PLG: variants seen among roughly 807,000 people sequenced by gnomAD.
PLG encodes the protein plasmin.
Under a neutral mutation model 104.4 loss-of-function variants are expected in PLG, and 41 were observed. The observed-to-expected ratio is 0.39, with a 90% confidence interval of 0.31 to 0.51. PLG has a LOEUF of 0.51. PLG is among the 20% of genes least tolerant of loss of function. PLG has a pLI of 0.76. For missense variants in PLG, 891 were observed against 1,003.6 expected, an observed-to-expected ratio of 0.89 and a Z score of 1.52; for synonymous variants, 337 against 357.1, an observed-to-expected ratio of 0.94 and a Z score of 0.63.
rs1778416783 is a variant in PLG, at chr6:160,752,278, G to C, written c.2271+18G>C. On this transcript the variant is annotated intron_variant, in intron 18 of 18. Coordinates refer to ENST00000308192, the MANE Select transcript of PLG (RefSeq NM_000301.5). This position sits in a 1 kb window ranked among gnomAD's most constrained non-coding sequence, Gnocchi z 4.7. ...GTTGCCAGGTAAGCAAAGATCAAGA[G>C]ACCAAAGTTAGTCTTGTGCTCTCTT... The C allele has an allele frequency of 6.2e-7, 1 of 1,611,782 alleles. No homozygotes were observed. Among genetic ancestry groups the C allele is most frequent in the African/African-American group, 1.3e-5 (1 of 74,872 alleles).
intron 10 of PLG, among the ~76,000 whole-genome samples, chr6:160,728,542 T>C (rs1562377591): frequency 6.6e-6 from 1 of 151,974 alleles, no homozygotes; most frequent in African/African-American, 2.4e-5. Flanking sequence ...ATATGTGGTA[T>C]TGGGAAAAAA....
chr6:160,748,547 G>T (rs1231242934), intron 17 of PLG, among the ~76,000 whole-genome samples: 1 of 151,762 alleles, frequency 6.6e-6, no homozygotes, highest in African/African-American at 2.4e-5. Context: ...GGCTATTGGG[G>T]GAGAAACAAT....
intron 10 of PLG, 50 bp downstream of exon 10, chr6:160,722,617 C>A: frequency 6.5e-7 from 1 of 1,545,800 alleles, no homozygotes; most frequent in African/African-American, 1.4e-5. Flanking sequence ...ACTGAAATTT[C>A]TGTTAAAAGA....
intron 1 of PLG, chr6:160,705,902 T>C (rs1296649991): frequency 2.3e-4 from 37 of 158,376 alleles, no homozygotes; most frequent in Non-Finnish European, 1.4e-5. Context: ...TTTAAGGATT[T>C]ATATCCACTA....
intron 6 of PLG, 32 bp downstream of exon 6, chr6:160,714,946 T>C (rs781163386): frequency 6.2e-7 from 1 of 1,605,200 alleles, no homozygotes; most frequent in South Asian, 1.1e-5. Context: ...ATTCCATGTT[T>C]AATTAAGGCT....
At chr6:160,729,038 G>C (rs191108153) in intron 10 of PLG, among the ~76,000 whole-genome samples, 10 of 152,052 alleles carry the variant, frequency 6.6e-5, no homozygotes, top group African/African-American at 2.2e-4. Flanking sequence ...GAGTATAAAC[G>C]TTTCTCCCAC....
chr6:160,738,940 C>A lies in PLG; in HGVS notation c.1878-128C>A. 9.1e-7 allele frequency: 1 copy of A among 1,102,100 alleles called. No individual in the cohort carries two copies. The highest frequency in any genetic ancestry group is 1.4e-6 in the Non-Finnish European group (1 of 721,830). The allele number at this position is 1,102,100 out of a possible 1,614,324, so 68.3% of individuals were successfully genotyped here. On this transcript the variant is annotated intron_variant, in intron 15 of 18. Coordinates refer to ENST00000308192, the MANE Select transcript of PLG (RefSeq NM_000301.5). The surrounding 1 kb of genome is among the most constrained non-coding windows in gnomAD (Gnocchi z 6.8). ...TTCAAGCAAATCATGAATTTTGCTT[C>A]TTGCCACTCAGAAGTCACTAATTCT...
chr6:160,747,894 A>G lies in PLG; in HGVS notation c.2126-4221A>G, dbSNP rs565253959. On this transcript the variant is annotated intron_variant, in intron 17 of 18. Transcript: ENST00000308192. ...TGCTGCAAACCTCTATGAATTACAT[A>G]TTATTGTTCCTAGTTTACAAATGAG... Among the ~76,000 whole-genome samples the G allele has an allele frequency of 5.9e-5, 9 of 152,318 alleles. No individual in the cohort carries two copies. In the East Asian group the frequency reaches 1.7e-3, roughly 29 times the overall value.
In PLG at chr6:160,721,788, T is replaced by C. The variant is rs181156108; in HGVS notation, c.1097-620T>C. Among the ~76,000 whole-genome samples the C allele has an allele frequency of 3.9e-5, 6 of 152,326 alleles. No individual in the cohort carries two copies. The East Asian group carries it at 7.7e-4, about 20-fold the overall frequency. On this transcript the variant is annotated intron_variant, in intron 9 of 18. Coordinates refer to ENST00000308192, the MANE Select transcript of PLG (RefSeq NM_000301.5). ...TCTTGTGCCTCCTTCTGATGGAACT[T>C]GTACCTGTGGTGGGTTTGGAAAGAA...
At chr6:160,706,997 T>C (rs1412698382) in intron 2 of PLG, among the ~76,000 whole-genome samples, 2 of 148,554 alleles carry the variant, frequency 1.3e-5, no homozygotes, top group Admixed American at 1.3e-4. Context: ...GCATAATCAA[T>C]GCATGCTCTA....
At chr6:160,749,376 C>A (rs1778356531) in intron 17 of PLG, among the ~76,000 whole-genome samples, 1 of 151,794 alleles carries the variant, frequency 6.6e-6, no homozygotes, top group Non-Finnish European at 1.5e-5. Context: ...TCACCCTCAA[C>A]ATCACCATCA....
chr6:160,712,615 C>G (rs1405937818), intron 4 of PLG, among the ~76,000 whole-genome samples: 4 of 152,158 alleles, frequency 2.6e-5, no homozygotes, highest in Non-Finnish European at 4.4e-5. Flanking sequence ...AGATAGTTCA[C>G]ATGGACAAAA....
At chr6:160,704,626 T>C (rs188795907) in intron 1 of PLG, among the ~76,000 whole-genome samples, 3 of 152,364 alleles carry the variant, frequency 2.0e-5, no homozygotes, top group Non-Finnish European at 4.4e-5. Flanking sequence ...CATCTATTTC[T>C]TTGTGATCTT....
chr6:160,737,695 A>G lies in PLG; in HGVS notation c.1802+688A>G, dbSNP rs560397726. On this transcript the variant is annotated intron_variant, in intron 14 of 18. Transcript: ENST00000308192. This position sits in a 1 kb window ranked among gnomAD's most constrained non-coding sequence, Gnocchi z 4.7. The stretch of plus-strand genomic sequence containing the variant: ...TTTTGCTTCCTCATCTCACTTCTAC[A>G]CGAGGGTGCCTGTGCTCAATTGCTG... Among the ~76,000 whole-genome samples the G allele has an allele frequency of 2.8e-4, 42 of 152,280 alleles. No homozygotes were observed. The East Asian group carries it at 7.9e-3, about 29-fold the overall frequency.
intron 9 of PLG, among the ~76,000 whole-genome samples, chr6:160,720,297 C>T (rs537093645): frequency 7.9e-5 from 12 of 150,958 alleles, no homozygotes; most frequent in African/African-American, 1.9e-4. Flanking sequence ...TTCAACAGTT[C>T]GACTATGATG....
chr6:160,736,961 G>A lies in PLG; in HGVS notation c.1756G>A (p.Val586Met). Residue 586 changes from valine (V) to methionine (M), a missense_variant, in exon 14 of 19, where the codon GTG becomes ATG. Physicochemically the swap from Val to Met is conservative, Grantham distance 21 (BLOSUM62 1). Transcript: ENST00000308192. The surrounding 1 kb of genome is among the most constrained non-coding windows in gnomAD (Gnocchi z 5.2). ...KCPGRVVGGCVAHPHSWPWQV... is the reference protein window; with the variant it reads ...KCPGRVVGGCMAHPHSWPWQV... ...TCCTGGAAGGGTTGTAGGGGGGTGTGTGGCCCACCCACATTCCTGGCCCTG... is the reference window on the plus strand; with the variant it reads ...TCCTGGAAGGGTTGTAGGGGGGTGTATGGCCCACCCACATTCCTGGCCCTG... The A allele has an allele frequency of 6.2e-7, 1 of 1,613,906 alleles. No homozygotes were observed. Among genetic ancestry groups the A allele is most frequent in the Non-Finnish European group, 8.5e-7 (1 of 1,179,942 alleles).
At chr6:160,728,547 A>G (rs908843538) in intron 10 of PLG, among the ~76,000 whole-genome samples, 11 of 152,004 alleles carry the variant, frequency 7.2e-5, no homozygotes, top group East Asian at 3.9e-4. Flanking sequence ...TGGTATTGGG[A>G]AAAAAAAGTA....
chr6:160,747,625 G>A (rs80048868), intron 17 of PLG, among the ~76,000 whole-genome samples: 2 of 91,094 alleles, frequency 2.2e-5, no homozygotes, highest in Admixed American at 1.2e-4. Flanking sequence ...AGAAAGGTTT[G>A]TTTTTGTTTT....
intron 17 of PLG, among the ~76,000 whole-genome samples, chr6:160,746,241 C>T (rs1443786090): frequency 6.6e-6 from 1 of 152,178 alleles, no homozygotes; most frequent in Non-Finnish European, 1.5e-5. Flanking sequence ...TTACTTTCTC[C>T]CCATCCCTTT....
Sources: allele counts gnomAD v4.1 joint callset (sites outside exome capture counted in the v4.1 genomes callset), GRCh38; gene constraint gnomAD v4.1.1; non-coding constraint Gnocchi (gnomAD v3.1); transcripts MANE v1.5; gene names NCBI Gene and HGNC (gene_info 2026-07-23, HGNC 2026-07-21).